MNX1: variants seen among roughly 807,000 people sequenced by gnomAD.
MNX1 encodes the protein motor neuron and pancreas homeobox 1, also known as motor neuron and pancreas homeobox protein 1.
In MNX1, 2 loss-of-function variants were observed where a neutral mutation model predicts 17.3. That is an observed-to-expected ratio of 0.12 (90% CI 0.05 to 0.36). The LOEUF is 0.36. MNX1 is among the 10% of genes least tolerant of loss of function. MNX1 has a pLI of 1.00. For missense variants in MNX1, 556 were observed against 564.7 expected (o/e 0.98, Z 0.16); for synonymous variants, 306 against 283.1 (o/e 1.08, Z -0.81).
chr7:157,009,399 A>G, intron 1 of MNX1: 1 of 1,423,162 alleles, frequency 7.0e-7, no homozygotes. Context: ...ATTAGATCTC[A>G]GTCTCACACC....
intron 1 of MNX1, chr7:157,009,223 C>T: frequency 7.0e-7 from 1 of 1,437,618 alleles, no homozygotes. Flanking sequence ...CACTCCCTCT[C>T]CCTGGAGGGG....
At chr7:157,008,144 T>C (rs1162945218) in intron 1 of MNX1, 1 of 152,210 alleles carries the variant, frequency 6.6e-6, no homozygotes, top group Admixed American at 6.5e-5. Flanking sequence ...TGTCTCACTT[T>C]AATAAATTTT....
At position 157,006,233 on chromosome 7, in the gene MNX1, T is replaced by G; in HGVS notation, c.852+246A>C. On this transcript the variant is annotated intron_variant, in intron 2 of 2. Transcript: ENST00000252971. The surrounding 1 kb of genome is among the most constrained non-coding windows in gnomAD (Gnocchi z 6.3). The stretch of plus-strand genomic sequence containing the variant: ...CCCTCCTCTCTTTCTGGAACAAAAT[T>G]TCTCGAATGCGGCCTGGGGATCACC... 1 of 584,066 alleles carries G rather than the reference T, an allele frequency of 1.7e-6. No individual in the cohort carries two copies. The highest frequency in any genetic ancestry group is 3.1e-5 in the Admixed American group (1 of 32,282). The allele number at this position is 584,066 out of a possible 1,614,324, so 36.2% of individuals were successfully genotyped here.
At chr7:157,008,967 C>A in intron 1 of MNX1, 1 of 1,533,898 alleles carries the variant, frequency 6.5e-7, no homozygotes, top group Non-Finnish European at 8.7e-7. Context: ...CAGGGGCTCC[C>A]TCGGCCCCAC....
In MNX1 at chr7:157,005,114, T is replaced by G. The variant is rs1329154834; in HGVS notation, c.*406A>C. ...GCTCCAGAGGCGGTTTCAAGTTTCA[T>G]AAGTCAGGTAACACTGTGGGTTTCC... On this transcript the variant is annotated 3_prime_UTR_variant, in exon 3 of 3. Transcript: ENST00000252971. 4.4e-6 allele frequency: 1 copy of G among 228,918 alleles called. No individual in the cohort carries two copies. Among genetic ancestry groups the G allele is most frequent in the African/African-American group, 2.2e-5 (1 of 44,930 alleles). The allele number at this position is 228,918 out of a possible 1,614,324, so 14.2% of individuals were successfully genotyped here.
chr7:157,009,497 G>C (rs1267912082), intron 1 of MNX1, 163 bp downstream of exon 1: 1 of 1,440,988 alleles, frequency 6.9e-7, no homozygotes, highest in African/African-American at 1.4e-5. Flanking sequence ...CTCATGCCTG[G>C]GGGTCCGGGC....
intron 1 of MNX1, chr7:157,008,845 C>T (rs1264170421): frequency 4.0e-6 from 3 of 742,808 alleles, no homozygotes; most frequent in Non-Finnish European, 6.5e-6. Flanking sequence ...AGCCCCAGCC[C>T]GGAGAGTCCG....
In MNX1 at chr7:157,005,418, G is replaced by A; in HGVS notation, c.*102C>T. 3.5e-6 allele frequency: 3 copies of A among 851,172 alleles called. No individual in the cohort carries two copies. Among genetic ancestry groups the A allele is most frequent in the South Asian group, 1.1e-4 (2 of 17,524 alleles). The allele number at this position is 851,172 out of a possible 1,614,324, so 52.7% of individuals were successfully genotyped here. A position where few individuals can be genotyped will look rare whatever the true frequency, so the allele number is the denominator to read the frequency against. On this transcript the variant is annotated 3_prime_UTR_variant, in exon 3 of 3. Coordinates refer to ENST00000252971, the MANE Select transcript of MNX1 (RefSeq NM_005515.4). ...GGTCCATGGGGCGGCGGTCGAGCCT[G>A]CTCTCGGGGCCGGGCCGGGTGGGTG... is the stretch of plus-strand genomic sequence containing the variant.
Position 157,010,413 on chromosome 7 carries a change from C to T in MNX1, c.-63G>A, listed in dbSNP as rs1242862359. ...GGCGACGCGGCCGTGTGCGGGCTCGCGGAGTCAGTGCGTGCGGTGCAAGCC... is the reference window on the plus strand; with the variant it reads ...GGCGACGCGGCCGTGTGCGGGCTCGTGGAGTCAGTGCGTGCGGTGCAAGCC... On this transcript the variant is annotated 5_prime_UTR_variant, in exon 1 of 3. Transcript: ENST00000252971. The T allele has an allele frequency of 1.5e-5, 21 of 1,393,910 alleles. No homozygotes were observed. Among genetic ancestry groups the T allele is most frequent in the Non-Finnish European group, 2.1e-5 (21 of 1,013,306 alleles). 86.3% of individuals were successfully genotyped at this position (1,393,910 alleles called of 1,614,324 possible).
At position 157,005,010 on chromosome 7, in the gene MNX1, C is replaced by T. The variant is rs1045057824; in HGVS notation, c.*510G>A. Reference sequence around the variant, plus strand: ...TTTGAGATTTCCAGCAGTTTGAACGCTCGTGACATAATCCCCCCGACCCCA... The same window carrying T: ...TTTGAGATTTCCAGCAGTTTGAACGTTCGTGACATAATCCCCCCGACCCCA... On this transcript the variant is annotated 3_prime_UTR_variant, in exon 3 of 3. Coordinates refer to ENST00000252971, the MANE Select transcript of MNX1 (RefSeq NM_005515.4). The T allele has an allele frequency of 9.0e-6, 2 of 223,126 alleles. No homozygotes were observed. Among genetic ancestry groups the T allele is most frequent in the African/African-American group, 4.5e-5 (2 of 44,628 alleles). 13.8% of individuals were successfully genotyped at this position (223,126 alleles called of 1,614,324 possible).
Position 157,006,688 on chromosome 7 carries a change from C to G in MNX1, c.692-49G>C, listed in dbSNP as rs766912693. ...CCCACAGCCGGCTCCGGTCCTCGCC[C>G]CAGCCCCTCCCGTTGCTGCTTGTAC... is the stretch of plus-strand genomic sequence containing the variant. On this transcript the variant is annotated intron_variant, in intron 1 of 2. Transcript: ENST00000252971. This position sits in a 1 kb window ranked among gnomAD's most constrained non-coding sequence, Gnocchi z 6.3. 6.6e-6 allele frequency: 10 copies of G among 1,520,346 alleles called. No individual in the cohort carries two copies. Among genetic ancestry groups the G allele is most frequent in the Non-Finnish European group, 8.8e-6 (10 of 1,133,232 alleles). The allele number at this position is 1,520,346 out of a possible 1,614,324, so 94.2% of individuals were successfully genotyped here.
At chr7:157,005,980 A>C in intron 2 of MNX1, 107 bp from the exon 3 acceptor site, 4 of 1,319,616 alleles carry the variant, frequency 3.0e-6, no homozygotes, top group Non-Finnish European at 4.3e-6. Flanking sequence ...TCGGCCCTGG[A>C]ATGGCCTCAG....
chr7:157,006,758 G>C lies in MNX1; in HGVS notation c.692-119C>G, dbSNP rs1805607740. The C allele has an allele frequency of 8.8e-7, 1 of 1,137,314 alleles. No individual in the cohort carries two copies. Among genetic ancestry groups the C allele is most frequent in the Non-Finnish European group, 1.2e-6 (1 of 819,600 alleles). 70.5% of individuals were successfully genotyped at this position (1,137,314 alleles called of 1,614,324 possible). ...GCGCCAAGGCCTGGCCCTGCAGAGG[G>C]CGGGGCTGTTCCCTCACTATCAGTG... On this transcript the variant is annotated intron_variant, in intron 1 of 2. Coordinates refer to ENST00000252971, the MANE Select transcript of MNX1 (RefSeq NM_005515.4). The surrounding 1 kb of genome is among the most constrained non-coding windows in gnomAD (Gnocchi z 6.3).
rs778433576 is a variant in MNX1, at chr7:157,005,711, G to C, written c.1015C>G (p.Pro339Ala). The change falls in exon 3 of 3, where the codon CCC (proline) becomes GCC (alanine). Residue 339 changes from proline to alanine, a missense_variant. Physicochemically the swap from Pro to Ala is conservative, Grantham distance 27. Coordinates refer to ENST00000252971, the MANE Select transcript of MNX1 (RefSeq NM_005515.4). ...CGGCGTCCGCTGCCCTTGTCTCCGG[G>C]CGCTGGCGGCCCCAGCAGCTCCTCG... Reference protein sequence around the residue: ...GAEELLGPPAPGDKGSGRRLR... With the variant: ...GAEELLGPPAAGDKGSGRRLR... 2.5e-6 allele frequency: 4 copies of C among 1,610,098 alleles called. No individual in the cohort carries two copies. The East Asian group carries it at 6.7e-5, about 27-fold the overall frequency.
rs1402406030 is a variant in MNX1 at position 157,005,741 on chromosome 7, C to T, written c.985G>A (p.Gly329Arg). The change falls in exon 3 of 3, where the codon GGA (glycine) becomes AGA (arginine). Residue 329 changes from glycine (G) to arginine (R), a missense_variant. Physicochemically the swap from Gly to Arg is moderately radical, Grantham distance 125. Around this residue, in one of 7 missense-constraint regions of MNX1, gnomAD observed 178 missense variants for 155.2 expected, o/e 1.15. Coordinates refer to ENST00000252971, the MANE Select transcript of MNX1 (RefSeq NM_005515.4). ...GGCGGCCCCAGCAGCTCCTCGGCTCCCGGCTCCTCCGCGCCGCCCTTCCCC... is the reference window on the plus strand; with the variant it reads ...GGCGGCCCCAGCAGCTCCTCGGCTCTCGGCTCCTCCGCGCCGCCCTTCCCC... ...GAGKGGAEEP[G>R]AEELLGPPAP... The T allele has an allele frequency of 3.7e-6, 6 of 1,609,170 alleles. No individual in the cohort carries two copies. The highest frequency in any genetic ancestry group is 4.5e-5 in the East Asian group (2 of 44,840).
intron 1 of MNX1, 100 bp downstream of exon 1, chr7:157,009,560 G>T: frequency 6.6e-7 from 1 of 1,517,134 alleles, no homozygotes; most frequent in Non-Finnish European, 8.9e-7. Context: ...CTCTTCCCCC[G>T]CTCGCTGGGA....
chr7:157,005,697 G>A lies in MNX1; in HGVS notation c.1029C>T (p.Gly343=), dbSNP rs1331767480. The A allele has an allele frequency of 1.2e-6, 2 of 1,610,648 alleles. No individual in the cohort carries two copies. Among genetic ancestry groups the A allele is most frequent in the South Asian group, 2.2e-5 (2 of 90,928 alleles). ...LLGPPAPGDK[G]SGRRLRDLRD... is the part of the protein sequence containing the mutation. ...TCAAGTCCCGCAGGCGGCGTCCGCT[G>A]CCCTTGTCTCCGGGCGCTGGCGGCC... The change falls in exon 3 of 3, where the codon GGC becomes GGT. Residue 343 remains glycine (G), a synonymous_variant. Coordinates refer to ENST00000252971, the MANE Select transcript of MNX1 (RefSeq NM_005515.4).
chr7:157,005,972 G>A lies in MNX1; in HGVS notation c.853-99C>T, dbSNP rs572395709. On this transcript the variant is annotated intron_variant, in intron 2 of 2. Coordinates refer to ENST00000252971, the MANE Select transcript of MNX1 (RefSeq NM_005515.4). Reference sequence around the variant, plus strand: ...GCGTGCGCCTGGGCCCCATTGGGTCGGCCCTGGAATGGCCTCAGGGTGAGA... The same window carrying A: ...GCGTGCGCCTGGGCCCCATTGGGTCAGCCCTGGAATGGCCTCAGGGTGAGA... 4.5e-4 allele frequency: 636 copies of A among 1,423,494 alleles called. 8 individuals carry two copies. The South Asian group carries it at 4.7e-3, about 10-fold the overall frequency. The allele number at this position is 1,423,494 out of a possible 1,614,324, so 88.2% of individuals were successfully genotyped here.
chr7:157,009,832 AGCCGCC>A lies in MNX1; in HGVS notation c.513_518del (p.Ala173_Ala174del). On this transcript the variant is annotated inframe_deletion, in exon 1 of 3. Transcript: ENST00000252971. ...GCGCCGGGTGCTGGCCCGCCAGCGC[AGCCGCC>A]GCCGCCGCCGCGGAGTAGCCGTAGA... The A allele has an allele frequency of 6.6e-7, 1 of 1,513,884 alleles. No homozygotes were observed. 93.8% of individuals were successfully genotyped at this position (1,513,884 alleles called of 1,614,324 possible).
Sources: allele counts gnomAD v4.1 joint callset, GRCh38; gene constraint gnomAD v4.1.1; regional missense constraint gnomAD v4.1.1; non-coding constraint Gnocchi (gnomAD v3.1); transcripts MANE v1.5; gene names NCBI Gene and HGNC (gene_info 2026-07-23, HGNC 2026-07-21).